The following TRIP13 variants were observed in gnomAD, a reference collection of about 807,000 sequenced individuals.
The protein encoded by TRIP13 is thyroid hormone receptor interactor 13.
TRIP13 carries 25 observed loss-of-function variants against 54.4 expected under a neutral mutation model. The ratio of observed to expected loss-of-function variants is 0.46; its 90% CI spans 0.33 to 0.64. The LOEUF is 0.64. Among genes scored for constraint, TRIP13 ranks in the 30% least tolerant of loss-of-function variants. TRIP13 has a pLI of 0.02. For synonymous variants in TRIP13, 207 were observed against 207.8 expected, an observed-to-expected ratio of 1.00 and a Z score of 0.03; for missense variants, 373 against 534.2, an observed-to-expected ratio of 0.70 and a Z score of 2.97.
Position 893,020 on chromosome 5 carries a change from C to G in TRIP13, c.22C>G (p.Leu8Val). 1.3e-6 allele frequency: 2 copies of G among 1,590,850 alleles called. No individual in the cohort carries two copies. The highest frequency in any genetic ancestry group is 1.7e-6 in the Non-Finnish European group (2 of 1,172,824). Residue 8 changes from leucine to valine, a missense_variant, in exon 1 of 13, where the codon CTG (leucine) becomes GTG (valine). Coordinates refer to ENST00000166345, the MANE Select transcript of TRIP13 (RefSeq NM_004237.4). Reference protein sequence around the residue: MDEAVGDLKQALPCVAES... With the variant: MDEAVGDVKQALPCVAES... The stretch of plus-strand genomic sequence containing the variant: ...CGCCATGGACGAGGCCGTGGGCGAC[C>G]TGAAGCAGGCGCTTCCCTGTGTGGC...
Position 906,209 on chromosome 5 carries a change from C to G in TRIP13, c.609-921C>G, listed in dbSNP as rs1456290167. ...CCTCCAAAGAGTAACCAAAAAAGATCTCTAGGGGCAGAGAGGGCAACACAA... is the reference window on the plus strand; with the variant it reads ...CCTCCAAAGAGTAACCAAAAAAGATGTCTAGGGGCAGAGAGGGCAACACAA... On this transcript the variant is annotated intron_variant, in intron 6 of 12. Transcript: ENST00000166345. 3.9e-5 allele frequency among the ~76,000 whole-genome samples: 6 copies of G among 152,222 alleles called. No homozygotes were observed. The East Asian group carries it at 9.6e-4, about 24-fold the overall frequency.
rs1051973018 is a variant in TRIP13 at position 896,887 on chromosome 5, C to T, written c.388+93C>T. 20 of 1,399,076 alleles carry T rather than the reference C, an allele frequency of 1.4e-5. No homozygotes were observed. In the African/African-American group the frequency reaches 2.8e-4, roughly 19 times the overall value. The allele number at this position is 1,399,076 out of a possible 1,614,324, so 86.7% of individuals were successfully genotyped here. On this transcript the variant is annotated intron_variant, in intron 3 of 12. Coordinates refer to ENST00000166345, the MANE Select transcript of TRIP13 (RefSeq NM_004237.4). ...GTTCACAGGGGGGGTTCTGTTTGTC[C>T]ATTTGTTTTGTAGGATTTTAGGATG...
At chr5:914,299 A>C (rs1391230189) in intron 10 of TRIP13, among the ~76,000 whole-genome samples, 166 bp from the exon 11 acceptor site, 1 of 152,256 alleles carries the variant, frequency 6.6e-6, no homozygotes, top group Admixed American at 6.5e-5. Flanking sequence ...TGAGAGAGCG[A>C]GCTTGTTCCC....
chr5:901,968 G>T (rs1402674024), intron 5 of TRIP13, among the ~76,000 whole-genome samples: 2 of 152,156 alleles, frequency 1.3e-5, no homozygotes, highest in Non-Finnish European at 2.9e-5. Context: ...TTCCTGTGGG[G>T]GGCCACATTC....
rs551765452 is a variant in TRIP13 at position 912,978 on chromosome 5, C to T, written c.1020+982C>T. 6.6e-6 allele frequency among the ~76,000 whole-genome samples: 1 copy of T among 152,268 alleles called. No homozygotes were observed. Among genetic ancestry groups the T allele is most frequent in the African/African-American group, 2.4e-5 (1 of 41,552 alleles). On this transcript the variant is annotated intron_variant, in intron 10 of 12. Coordinates refer to ENST00000166345, the MANE Select transcript of TRIP13 (RefSeq NM_004237.4). The surrounding 1 kb of genome is among the most constrained non-coding windows in gnomAD (Gnocchi z 7.2). ...TAGGGGTGTTAACAAGGATGGCACACCCTGCTGTGGTTGGGGACGGGAGAA... is the reference window on the plus strand; with the variant it reads ...TAGGGGTGTTAACAAGGATGGCACATCCTGCTGTGGTTGGGGACGGGAGAA...
intron 12 of TRIP13, among the ~76,000 whole-genome samples, chr5:916,667 C>A (rs1218331507): frequency 2.0e-5 from 3 of 152,172 alleles, no homozygotes; most frequent in Non-Finnish European, 4.4e-5. Flanking sequence ...AAGCCTGGGA[C>A]ATAGGGTGGG....
Position 917,089 on chromosome 5 carries a change from G to A in TRIP13, c.1285G>A (p.Ala429Thr), listed in dbSNP as rs2150693561. 2 of 1,614,002 alleles carry A rather than the reference G, an allele frequency of 1.2e-6. No individual in the cohort carries two copies. Among genetic ancestry groups the A allele is most frequent in the Non-Finnish European group, 1.7e-6 (2 of 1,179,970 alleles). The part of the protein sequence containing the change: ...DKQFEERKKL[A>T]AYI ...GCAGTTTGAAGAGAGAAAGAAGCTTGCAGCTTACATCTGATCCTGGGCTTC... is the reference window on the plus strand; with the variant it reads ...GCAGTTTGAAGAGAGAAAGAAGCTTACAGCTTACATCTGATCCTGGGCTTC... Residue 429 changes from alanine (A) to threonine (T), a missense_variant, in exon 13 of 13, where the codon GCA (alanine) becomes ACA (threonine). Physicochemically the swap from Ala to Thr is moderately conservative, Grantham distance 58 (BLOSUM62 0). Transcript: ENST00000166345.
rs561551951 is a variant in TRIP13 at position 904,331 on chromosome 5, T to C, written c.608+111T>C. 22 of 843,334 alleles carry C rather than the reference T, an allele frequency of 2.6e-5. No homozygotes were observed. The Admixed American group carries it at 4.9e-4, about 19-fold the overall frequency. The allele number at this position is 843,334 out of a possible 1,614,324, so 52.2% of individuals were successfully genotyped here. A position where few individuals can be genotyped will look rare whatever the true frequency, so the allele number is the denominator to read the frequency against. On this transcript the variant is annotated intron_variant, in intron 6 of 12. Transcript: ENST00000166345. ...ACGCAAATAATAGATTCCTCTCCAC[T>C]GTAAGTCACTTGATTCCTCTGTATT...
intron 1 of TRIP13, 48 bp from the exon 2 acceptor site, chr5:894,739 T>C: frequency 6.4e-7 from 1 of 1,553,614 alleles, no homozygotes; most frequent in East Asian, 2.3e-5. Context: ...TTTAACATTT[T>C]GTTTTTGAAC....
intron 1 of TRIP13, 109 bp from the exon 2 acceptor site, chr5:894,678 T>G (rs940440514): frequency 1.5e-6 from 2 of 1,314,178 alleles, no homozygotes; most frequent in Admixed American, 5.9e-5. Flanking sequence ...ACTTACCCTG[T>G]TAACTACTGG....
rs781258927 is a variant in TRIP13 at position 915,855 on chromosome 5, C to T, written c.1134-49C>T. On this transcript the variant is annotated intron_variant, in intron 11 of 12. Coordinates refer to ENST00000166345, the MANE Select transcript of TRIP13 (RefSeq NM_004237.4). The surrounding 1 kb of genome is among the most constrained non-coding windows in gnomAD (Gnocchi z 4.2). ...CCAATGAGGAAAATTAGTCCTGAAA[C>T]GTGTGATTGTATAAATTGCTGTCTC... 17 of 1,597,738 alleles carry T rather than the reference C, an allele frequency of 1.1e-5. No homozygotes were observed. The highest frequency in any genetic ancestry group is 1.7e-4 in the Middle Eastern group (1 of 6,046).
rs936496669 is a variant in TRIP13, at chr5:896,867, C to A, written c.388+73C>A. The A allele has an allele frequency of 6.1e-6, 9 of 1,481,344 alleles. No homozygotes were observed. The African/African-American group carries it at 1.3e-4, about 21-fold the overall frequency. 91.8% of individuals were successfully genotyped at this position (1,481,344 alleles called of 1,614,324 possible). A position where few individuals can be genotyped will look rare whatever the true frequency, so the allele number is the denominator to read the frequency against. ...GTATACTCCATGCCATGTCAGTTCACAGGGGGGGTTCTGTTTGTCCATTTG... is the reference window on the plus strand; with the variant it reads ...GTATACTCCATGCCATGTCAGTTCAAAGGGGGGGTTCTGTTTGTCCATTTG... On this transcript the variant is annotated intron_variant, in intron 3 of 12. Coordinates refer to ENST00000166345, the MANE Select transcript of TRIP13 (RefSeq NM_004237.4).
chr5:908,513 C>CA lies in TRIP13; in HGVS notation c.866+55dup, dbSNP rs1560948466. The stretch of plus-strand genomic sequence containing the variant: ...CTGAGAAGTGATGAGAAGTTTGTCC[C>CA]AAAGAAATGCGTGATACTTGTGCAA... On this transcript the variant is annotated intron_variant, in intron 9 of 12. Coordinates refer to ENST00000166345, the MANE Select transcript of TRIP13 (RefSeq NM_004237.4). This position sits in a 1 kb window ranked among gnomAD's most constrained non-coding sequence, Gnocchi z 5.2. 2 of 1,606,066 alleles carry CA rather than the reference C, an allele frequency of 1.2e-6. No homozygotes were observed. The highest frequency in any genetic ancestry group is 1.7e-6 in the Non-Finnish European group (2 of 1,177,290).
At chr5:897,390 A>G (rs1753939187) in intron 3 of TRIP13, among the ~76,000 whole-genome samples, 1 of 41,396 alleles carries the variant, frequency 2.4e-5, no homozygotes, top group Non-Finnish European at 3.7e-5. Context: ...GGGCTCTGGC[A>G]GGCCAAGCCC....
intron 5 of TRIP13, among the ~76,000 whole-genome samples, chr5:901,807 G>C (rs530519282): frequency 6.5e-4 from 99 of 152,240 alleles, no homozygotes; most frequent in African/African-American, 2.3e-3. Flanking sequence ...ATTTTTAGTA[G>C]AGACGGGGTT....
chr5:919,297 A>T (rs2150694524), downstream of TRIP13: 1 of 152,302 alleles, frequency 6.6e-6, no homozygotes, highest in South Asian at 2.1e-4. Context: ...AGGCCATCTG[A>T]GTTTGTCCTG....
chr5:910,302 G>A (rs566276823), intron 9 of TRIP13, among the ~76,000 whole-genome samples: 3 of 152,222 alleles, frequency 2.0e-5, no homozygotes, highest in Non-Finnish European at 4.4e-5. Flanking sequence ...CTGTCTCCCC[G>A]GTTTATGCTG....
At position 912,031 on chromosome 5, in the gene TRIP13, G is replaced by T. The variant is rs1397838605; in HGVS notation, c.1020+35G>T. ...TTTTTTTTTTCCTCTTGATACAAATGGATTTCTTATATGTTCTTAATTAAT... is the reference window on the plus strand; with the variant it reads ...TTTTTTTTTTCCTCTTGATACAAATTGATTTCTTATATGTTCTTAATTAAT... On this transcript the variant is annotated intron_variant, in intron 10 of 12. Transcript: ENST00000166345. The surrounding 1 kb of genome is among the most constrained non-coding windows in gnomAD (Gnocchi z 7.2). 2 of 1,592,184 alleles carry T rather than the reference G, an allele frequency of 1.3e-6. No individual in the cohort carries two copies. The highest frequency in any genetic ancestry group is 8.5e-7 in the Non-Finnish European group (1 of 1,172,362).
At chr5:914,079 A>G (rs893178310) in intron 10 of TRIP13, among the ~76,000 whole-genome samples, 1 of 152,164 alleles carries the variant, frequency 6.6e-6, no homozygotes, top group Non-Finnish European at 1.5e-5. Flanking sequence ...CCTGGCTCTA[A>G]GTCCCAGCTC....
Sources: allele counts gnomAD v4.1 joint callset (sites outside exome capture counted in the v4.1 genomes callset), GRCh38; gene constraint gnomAD v4.1.1; non-coding constraint Gnocchi (gnomAD v3.1); transcripts MANE v1.5; gene names NCBI Gene and HGNC (gene_info 2026-07-23, HGNC 2026-07-21).